Variants in NBAS observed in about 807,000 individuals in gnomAD.
The protein encoded by NBAS is NAG/BC035112 fusion.
Under a neutral mutation model 302.5 loss-of-function variants are expected in NBAS, and 219 were observed. The ratio of observed to expected loss-of-function variants is 0.72; its 90% confidence interval spans 0.65 to 0.81. The LOEUF (loss-of-function observed/expected upper bound fraction) is 0.81. Ranked by LOEUF, NBAS falls within the 30% of genes least tolerant of loss-of-function variation. The pLI is 0.00. For missense variants in NBAS, 2,932 were observed against 2,841.6 expected (o/e 1.03, Z -0.72); for synonymous variants, 1,118 against 1,021.6 (o/e 1.09, Z -1.80).
the NBAS span, among the ~76,000 whole-genome samples, chr2:14,997,529 C>A: frequency 4.0e-5 from 6 of 151,220 alleles, no homozygotes; most frequent in African/African-American, 1.5e-4. Flanking sequence ...TTAAGATGTA[C>A]AACATGGTGA....
chr2:15,245,644 T>TGGATGGATGGATGGATGGAC (rs1553351366), intron 44 of NBAS, among the ~76,000 whole-genome samples: 80 of 149,204 alleles, frequency 5.4e-4, no homozygotes, highest in African/African-American at 1.8e-3. Context: ...GATGGATGGA[T>TGGATGGATGGATGGATGGAC]GGACGGACGG....
rs113889406 is a variant in NBAS, at chr2:15,430,285, A to G, written c.2340-2491T>C. Among the ~76,000 whole-genome samples the G allele has an allele frequency of 3.2e-3, 487 of 152,334 alleles. 7 individuals carry two copies. Among genetic ancestry groups the G allele is most frequent in the Middle Eastern group, 0.024 (7 of 292 alleles). Reference sequence around the variant, plus strand: ...ATATAATATACATATTTTTTAATCAAAACAGATTTTCACATTTGCTGCATT... The same window carrying G: ...ATATAATATACATATTTTTTAATCAGAACAGATTTTCACATTTGCTGCATT... On this transcript the variant is annotated intron_variant, in intron 21 of 51. Coordinates refer to ENST00000281513, the MANE Select transcript of NBAS (RefSeq NM_015909.4).
chr2:15,012,977 C>T, the NBAS span, among the ~76,000 whole-genome samples: 16 of 152,294 alleles, frequency 1.1e-4, no homozygotes, highest in East Asian at 2.7e-3. Context: ...CCCACCTCAG[C>T]CTCCCAAGTA....
chr2:14,969,384 TA>T, the NBAS span, among the ~76,000 whole-genome samples: 352 of 152,130 alleles, frequency 2.3e-3, no homozygotes, highest in African/African-American at 8.2e-3. Flanking sequence ...TTATTATTAT[TA>T]TTATTTTTGA....
At chr2:14,846,688 TAG>T in the NBAS span, among the ~76,000 whole-genome samples, 1 of 152,186 alleles carries the variant, frequency 6.6e-6, no homozygotes, top group Non-Finnish European at 1.5e-5. Context: ...GGTAAAGTTA[TAG>T]AGTTTTTATT....
In NBAS at chr2:15,250,877, C is replaced by T. The variant is rs144877552; in HGVS notation, c.5725-12191G>A. 9.7e-3 allele frequency among the ~76,000 whole-genome samples: 1,472 copies of T among 152,186 alleles called. 11 individuals carry two copies. Among genetic ancestry groups the T allele is most frequent in the Non-Finnish European group, 0.015 (1,052 of 68,002 alleles). ...CTGTTGGTGGGAGTGTAAATTAGTT[C>T]GACCATGTGGAAAACAGTGTGGCAA... On this transcript the variant is annotated intron_variant, in intron 44 of 51. Coordinates refer to ENST00000281513, the MANE Select transcript of NBAS (RefSeq NM_015909.4).
chr2:15,044,751 T>C, the NBAS span, among the ~76,000 whole-genome samples: 1 of 152,228 alleles, frequency 6.6e-6, no homozygotes, highest in Non-Finnish European at 1.5e-5. Flanking sequence ...CCTTATTTTC[T>C]AAATTGTAAA....
intron 21 of NBAS, among the ~76,000 whole-genome samples, chr2:15,452,738 G>C (rs996281618): frequency 2.0e-5 from 3 of 152,150 alleles, no homozygotes; most frequent in African/African-American, 7.2e-5. Context: ...AACACAACTA[G>C]AATTATCTCC....
chr2:15,375,247 A>C (rs11885852), intron 30 of NBAS, among the ~76,000 whole-genome samples: 86,645 of 151,600 alleles, frequency 0.57, 26,229 homozygotes, highest in Non-Finnish European at 0.68. Flanking sequence ...TCTGAGATGA[A>C]CCATAGGAGA....
chr2:14,819,084 C>T, the NBAS span, among the ~76,000 whole-genome samples: 1 of 152,196 alleles, frequency 6.6e-6, no homozygotes, highest in African/African-American at 2.4e-5. Flanking sequence ...ACCCTCTTGC[C>T]CTGAGCTGAT....
At chr2:14,976,694 C>G in the NBAS span, among the ~76,000 whole-genome samples, 1 of 152,324 alleles carries the variant, frequency 6.6e-6, no homozygotes, top group African/African-American at 2.4e-5. Context: ...ACCTCATGAT[C>G]CTGGAATAGC....
chr2:15,148,549 C>T, the NBAS span, among the ~76,000 whole-genome samples: 19 of 152,254 alleles, frequency 1.2e-4, no homozygotes, highest in Admixed American at 1.1e-3. Flanking sequence ...TGGGAATATG[C>T]TCAGGTGAAG....
intron 40 of NBAS, among the ~76,000 whole-genome samples, chr2:15,304,280 CTTGGGAAGAAAGTGCCT>C (rs543879882): frequency 0.012 from 1,782 of 152,216 alleles, 25 homozygotes; most frequent in Non-Finnish European, 0.016. Flanking sequence ...TTCCTGCTGC[CTTGGGAAGAAAGTGCCT>C]TTCTTCCCCT....
At chr2:15,059,609 ACT>A in the NBAS span, among the ~76,000 whole-genome samples, 2 of 152,142 alleles carry the variant, frequency 1.3e-5, no homozygotes, top group African/African-American at 4.8e-5. Context: ...CCTCCCTCGC[ACT>A]GACCTGATTA....
At chr2:14,966,539 C>T in the NBAS span, among the ~76,000 whole-genome samples, 1 of 152,238 alleles carries the variant, frequency 6.6e-6, no homozygotes, top group Non-Finnish European at 1.5e-5. Flanking sequence ...TCTGCAACTA[C>T]TGTATTCTCC....
chr2:15,500,709 G>A (rs1661484976), intron 11 of NBAS, among the ~76,000 whole-genome samples: 2 of 151,654 alleles, frequency 1.3e-5, no homozygotes, highest in African/African-American at 2.4e-5. Context: ...GCCGAGGCGG[G>A]TGGATCACGA....
chr2:15,443,027 A>C (rs1678517420), intron 21 of NBAS, among the ~76,000 whole-genome samples: 1 of 151,630 alleles, frequency 6.6e-6, no homozygotes, highest in African/African-American at 2.4e-5. Flanking sequence ...TACCAACCAA[A>C]AAGAGTCCAG....
chr2:15,165,558 G>A (rs1306482365), downstream of NBAS, among the ~76,000 whole-genome samples: 1 of 152,192 alleles, frequency 6.6e-6, no homozygotes, highest in African/African-American at 2.4e-5. Flanking sequence ...CTAGAGGAGC[G>A]GAAATGAGGT....
intron 12 of NBAS, among the ~76,000 whole-genome samples, chr2:15,482,200 G>A (rs1001991283): frequency 3.3e-5 from 5 of 152,106 alleles, no homozygotes; most frequent in Admixed American, 2.6e-4. Context: ...GCGTGGTCAC[G>A]GCTCACTACA....
Sources: allele counts gnomAD v4.1 joint callset (sites outside exome capture counted in the v4.1 genomes callset), GRCh38; gene constraint gnomAD v4.1.1; transcripts MANE v1.5; gene names NCBI Gene and HGNC (gene_info 2026-07-23, HGNC 2026-07-21).